Variants in TBL1X observed in about 807,000 individuals in gnomAD.
TBL1X encodes the protein F-box-like/WD repeat-containing protein TBL1X.
TBL1X carries 10 observed loss-of-function variants against 50.7 expected under a neutral mutation model. The observed-to-expected ratio is 0.20, with a 90% CI of 0.12 to 0.33. The LOEUF (loss-of-function observed/expected upper bound fraction) is 0.33. Among genes scored for constraint, TBL1X ranks in the 10% least tolerant of loss-of-function variants. The pLI is 1.00. For missense variants in TBL1X, 340 were observed against 504.4 expected (o/e 0.67, Z 3.12); for synonymous variants, 190 against 214.7 (o/e 0.88, Z 1.01).
At chrX:9,689,704 A>T (rs2083085514) in intron 7 of TBL1X, among the ~76,000 whole-genome samples, 1 of 111,998 alleles carries the variant, frequency 8.9e-6, no homozygotes, top group Admixed American at 9.4e-5. Context: ...ACTGGCTGTC[A>T]CTCCTGCCTG....
intron 2 of TBL1X, among the ~76,000 whole-genome samples, chrX:9,547,224 G>C (rs1196038538): frequency 9.0e-6 from 1 of 111,498 alleles, no homozygotes; most frequent in Non-Finnish European, 1.9e-5. Flanking sequence ...TCCAGGCTGG[G>C]CACTGTGTTC....
chrX:9,596,697 C>T (rs1202755198), intron 2 of TBL1X, among the ~76,000 whole-genome samples: 2 of 111,223 alleles, frequency 1.8e-5, no homozygotes, highest in Admixed American at 1.9e-4. Flanking sequence ...AACCACTGCC[C>T]TAAACTGAGA....
At position 9,579,835 on chromosome X, in the gene TBL1X, T is replaced by C. The variant is rs756213994; in HGVS notation, c.-130-60438T>C. Among the ~76,000 whole-genome samples, 3 of 110,951 alleles carry C rather than the reference T, an allele frequency of 2.7e-5. No individual in the cohort carries two copies. The South Asian group carries it at 1.2e-3, about 44-fold the overall frequency. ...CCTGTGCTGGATTTTGAATGTTCTT[T>C]CAACCACCGTGATAGAATGTCCAAG... On this transcript the variant is annotated intron_variant, in intron 2 of 17. Coordinates refer to ENST00000645353, the MANE Select transcript of TBL1X (RefSeq NM_005647.4).
chrX:9,692,631 C>T (rs2083105557), intron 9 of TBL1X, among the ~76,000 whole-genome samples: 1 of 112,738 alleles, frequency 8.9e-6, no homozygotes, highest in Admixed American at 9.3e-5. Flanking sequence ...TGCTCTCGCA[C>T]TCCTGACCCA....
intron 2 of TBL1X, among the ~76,000 whole-genome samples, chrX:9,606,877 CTA>C (rs1192640154): frequency 2.7e-5 from 3 of 112,255 alleles, no homozygotes; most frequent in Non-Finnish European, 5.6e-5. Context: ...TGCTGTCTCT[CTA>C]TGTTCCTTCT....
intron 1 of TBL1X, among the ~76,000 whole-genome samples, chrX:9,467,720 A>G (rs2081785591): frequency 9.2e-6 from 1 of 109,240 alleles, no homozygotes; most frequent in Non-Finnish European, 1.9e-5. Context: ...TGCCCCCTCC[A>G]CTCCCGCCCT....
At chrX:9,688,978 CTG>C (rs1306421567) in intron 7 of TBL1X, among the ~76,000 whole-genome samples, 2 of 113,359 alleles carry the variant, frequency 1.8e-5, no homozygotes, top group African/African-American at 6.4e-5. Context: ...GTGCCTGTGT[CTG>C]TGTGCAAGTG....
intron 2 of TBL1X, among the ~76,000 whole-genome samples, chrX:9,516,544 T>C (rs1035361943): frequency 4.4e-4 from 50 of 112,429 alleles, no homozygotes; most frequent in Admixed American, 1.1e-3. Flanking sequence ...AAATACTTGA[T>C]ACCTCAAGTC....
chrX:9,575,339 A>G (rs1219549413), intron 2 of TBL1X, among the ~76,000 whole-genome samples: 1 of 111,523 alleles, frequency 9.0e-6, no homozygotes, highest in Non-Finnish European at 1.9e-5. Flanking sequence ...GAGCCAAACC[A>G]TATCACCCAT....
intron 16 of TBL1X, among the ~76,000 whole-genome samples, chrX:9,712,933 G>A (rs747894523): frequency 2.6e-5 from 2 of 75,764 alleles, no homozygotes; most frequent in African/African-American, 5.8e-5. Context: ...GGTCCCTTTC[G>A]CCTCAGGAGG....
chrX:9,693,846 C>T (rs2083113857), intron 11 of TBL1X, among the ~76,000 whole-genome samples: 1 of 111,145 alleles, frequency 9.0e-6, no homozygotes, highest in Non-Finnish European at 1.9e-5. Context: ...CACCGTAGAC[C>T]GCAGATTTCT....
At chrX:9,683,385 G>A (rs779078621) in intron 5 of TBL1X, among the ~76,000 whole-genome samples, 21 of 112,118 alleles carry the variant, frequency 1.9e-4, no homozygotes, top group Middle Eastern at 8.4e-3. Context: ...TTCCTAGAGC[G>A]GCAGTGAAAG....
chrX:9,547,462 G>C (rs1330196220), intron 2 of TBL1X, among the ~76,000 whole-genome samples: 2 of 111,404 alleles, frequency 1.8e-5, no homozygotes, highest in Non-Finnish European at 3.8e-5. Flanking sequence ...TGGGACTACA[G>C]ATGTGTGCTA....
intron 12 of TBL1X, among the ~76,000 whole-genome samples, chrX:9,702,668 A>G (rs1313985984): frequency 9.0e-6 from 1 of 110,924 alleles, no homozygotes; most frequent in Non-Finnish European, 1.9e-5. Flanking sequence ...TGGTAAGGAC[A>G]TGGTGGCCAG....
At chrX:9,593,952 G>A (rs2082515229) in intron 2 of TBL1X, among the ~76,000 whole-genome samples, 1 of 112,103 alleles carries the variant, frequency 8.9e-6, no homozygotes, top group Non-Finnish European at 1.9e-5. Context: ...TACCTTGGCT[G>A]TGTTCTGGGG....
At position 9,719,436 on chromosome X, in the gene TBL1X, C is replaced by T. The variant is rs1176307654; in HGVS notation, c.*3190C>T. On this transcript the variant is annotated 3_prime_UTR_variant, in exon 18 of 18. Coordinates refer to ENST00000645353, the MANE Select transcript of TBL1X (RefSeq NM_005647.4). ...CATTTAAAAAAAGAAAAAAAAAAAG[C>T]TTATGTTTCTTGTCAAATGCAGAAA... The T allele has an allele frequency of 1.8e-5, 2 of 111,046 alleles. No homozygotes were observed. Among genetic ancestry groups the T allele is most frequent in the African/African-American group, 6.6e-5 (2 of 30,372 alleles). The allele number at this position is 111,046 out of a possible 1,213,427, so 9.2% of individuals were successfully genotyped here.
chrX:9,652,599 G>A (rs923255663), intron 3 of TBL1X, among the ~76,000 whole-genome samples: 19 of 112,488 alleles, frequency 1.7e-4, no homozygotes, highest in Non-Finnish European at 3.2e-4. Flanking sequence ...GCTCACGCCT[G>A]AAATCCCACC....
chrX:9,525,513 A>G (rs1477541300), intron 2 of TBL1X, among the ~76,000 whole-genome samples: 1 of 111,965 alleles, frequency 8.9e-6, no homozygotes, highest in East Asian at 2.8e-4. Flanking sequence ...GAGTATCCAA[A>G]TGGTCTATAA....
chrX:9,536,397 T>G (rs759125280), intron 2 of TBL1X, among the ~76,000 whole-genome samples: 20 of 109,886 alleles, frequency 1.8e-4, no homozygotes, highest in Non-Finnish European at 2.8e-4. Context: ...ACTACAGGCA[T>G]GCACCACGAT....
Sources: gnomAD v4.1 joint callset for allele counts (sites outside exome capture counted in the v4.1 genomes callset) on GRCh38, gnomAD v4.1.1 for gene constraint, MANE v1.5 for transcripts, NCBI Gene and HGNC (gene_info 2026-07-23, HGNC 2026-07-21) for gene names.